The following CASTOR2 variants were observed in gnomAD, a reference collection of about 807,000 sequenced individuals.
The protein encoded by CASTOR2 is GATS protein like 2.
CASTOR2 carries 8 observed loss-of-function variants against 31.2 expected under a neutral mutation model. That is an observed-to-expected ratio of 0.26 (90% CI 0.15 to 0.46). The LOEUF is 0.46. Among genes scored for constraint, CASTOR2 ranks in the 20% least tolerant of loss-of-function variants. CASTOR2 has a pLI of 0.99. For synonymous variants in CASTOR2, 162 were observed against 158.7 expected, an observed-to-expected ratio of 1.02 and a Z score of -0.16; for missense variants, 216 against 382.1, an observed-to-expected ratio of 0.57 and a Z score of 3.62.
rs973280914 is a variant in CASTOR2 at position 75,026,416 on chromosome 7, C to T, written c.*1717C>T. ...ACATTGCTCAGGCTGGTCTTGAACT[C>T]CTGAGTTAAGTGATCCGCCTGCCTC... On this transcript the variant is annotated 3_prime_UTR_variant, in exon 9 of 9. Coordinates refer to ENST00000616305, the MANE Select transcript of CASTOR2 (RefSeq NM_001145064.3). Among the ~76,000 whole-genome samples, 1 of 152,056 alleles carries T rather than the reference C, an allele frequency of 6.6e-6. No individual in the cohort carries two copies. Among genetic ancestry groups the T allele is most frequent in the Non-Finnish European group, 1.5e-5 (1 of 68,022 alleles).
At chr7:75,014,090 C>A (rs1325472027) in intron 2 of CASTOR2, among the ~76,000 whole-genome samples, 4 of 152,066 alleles carry the variant, frequency 2.6e-5, no homozygotes, top group African/African-American at 9.7e-5. Context: ...TTCAGAATAA[C>A]GTTAGAAGCC....
At chr7:74,973,274 T>C (rs1322574128) in intron 1 of CASTOR2, among the ~76,000 whole-genome samples, 1 of 149,718 alleles carries the variant, frequency 6.7e-6, no homozygotes, top group Non-Finnish European at 1.5e-5. Context: ...GAGGGCTTGA[T>C]GAGATAAACC....
intron 1 of CASTOR2, among the ~76,000 whole-genome samples, chr7:74,967,501 C>A (rs1245113101): frequency 6.8e-6 from 1 of 146,848 alleles, no homozygotes; most frequent in Non-Finnish European, 1.5e-5. Flanking sequence ...CAGACTAGCA[C>A]AGCATGCCCT....
At chr7:75,023,357 G>A (rs1272717491) in intron 7 of CASTOR2, among the ~76,000 whole-genome samples, 1 of 151,834 alleles carries the variant, frequency 6.6e-6, no homozygotes, top group Non-Finnish European at 1.5e-5. Flanking sequence ...TAACCACAAT[G>A]ACAGGATTCC....
chr7:75,025,104 C>A lies in CASTOR2; in HGVS notation c.*405C>A, dbSNP rs1460159440. On this transcript the variant is annotated 3_prime_UTR_variant, in exon 9 of 9. Coordinates refer to ENST00000616305, the MANE Select transcript of CASTOR2 (RefSeq NM_001145064.3). The stretch of plus-strand genomic sequence containing the variant: ...GTCATGTCACCTTGCAGGGCTGGGG[C>A]TGGCGGGGTGGGGCCGAGTTTGGGG... Among the ~76,000 whole-genome samples the A allele has an allele frequency of 3.9e-5, 6 of 152,192 alleles. No homozygotes were observed. Among genetic ancestry groups the A allele is most frequent in the Non-Finnish European group, 7.3e-5 (5 of 68,028 alleles).
Position 75,017,579 on chromosome 7 carries a change from C to G in CASTOR2, c.185-19C>G, listed in dbSNP as rs1343450116. ...GGAACCTCAGCAGTCACAGGACTGC[C>G]TTCTGTGTCTCCCTCCAGAGCTGCC... On this transcript the variant is annotated intron_variant, in intron 2 of 8. Coordinates refer to ENST00000616305, the MANE Select transcript of CASTOR2 (RefSeq NM_001145064.3). 9.9e-6 allele frequency: 16 copies of G among 1,612,852 alleles called. No individual in the cohort carries two copies. Among genetic ancestry groups the G allele is most frequent in the Admixed American group, 1.7e-5 (1 of 59,826 alleles).
intron 1 of CASTOR2, among the ~76,000 whole-genome samples, chr7:74,999,601 C>CTTTTTTTGTTTTT (rs1804444843): frequency 2.2e-5 from 1 of 45,760 alleles, no homozygotes; most frequent in Non-Finnish European, 3.4e-5. Flanking sequence ...TCACTCACTG[C>CTTTTTTTGTTTTT]TTTTTTTTTT....
rs1441684614 is a variant in CASTOR2 at position 75,026,689 on chromosome 7, G to A, written c.*1990G>A. Among the ~76,000 whole-genome samples, 1 of 151,324 alleles carries A rather than the reference G, an allele frequency of 6.6e-6. No individual in the cohort carries two copies. The highest frequency in any genetic ancestry group is 1.5e-5 in the Non-Finnish European group (1 of 67,880). On this transcript the variant is annotated 3_prime_UTR_variant, in exon 9 of 9. Coordinates refer to ENST00000616305, the MANE Select transcript of CASTOR2 (RefSeq NM_001145064.3). Reference sequence around the variant, plus strand: ...TTTTTTTTTTAAGTTAATTTGTTTTGCACAAAACTCCAGAACAAAACTCGT... The same window carrying A: ...TTTTTTTTTTAAGTTAATTTGTTTTACACAAAACTCCAGAACAAAACTCGT...
At chr7:75,009,795 G>C (rs1465230267) in intron 2 of CASTOR2, among the ~76,000 whole-genome samples, 1 of 151,588 alleles carries the variant, frequency 6.6e-6, no homozygotes, top group Non-Finnish European at 1.5e-5. Flanking sequence ...GATCAGGAAA[G>C]ATTCCTCCAT....
chr7:75,023,003 C>T (rs1040903410), intron 7 of CASTOR2, among the ~76,000 whole-genome samples: 1 of 152,196 alleles, frequency 6.6e-6, no homozygotes. Context: ...CTAAATGCCT[C>T]GCCTTTTCCA....
rs1240611909 is a variant in CASTOR2 at position 75,019,161 on chromosome 7, GTC to G, written c.635+68_635+69del. The G allele has an allele frequency of 3.2e-6, 5 of 1,551,056 alleles. No individual in the cohort carries two copies. The East Asian group carries it at 1.2e-4, about 38-fold the overall frequency. On this transcript the variant is annotated intron_variant, in intron 5 of 8. Transcript: ENST00000616305. ...GGGAGAGGCATGGCTCCGCCTAGGA[GTC>G]TTAGTCTGACGGGGGAGGCTTTGCT...
rs1805143563 is a variant in CASTOR2, at chr7:75,026,688, T to G, written c.*1989T>G. On this transcript the variant is annotated 3_prime_UTR_variant, in exon 9 of 9. Coordinates refer to ENST00000616305, the MANE Select transcript of CASTOR2 (RefSeq NM_001145064.3). ...TTTTTTTTTTTAAGTTAATTTGTTT[T>G]GCACAAAACTCCAGAACAAAACTCG... is the stretch of plus-strand genomic sequence containing the variant. Among the ~76,000 whole-genome samples, 1 of 152,124 alleles carries G rather than the reference T, an allele frequency of 6.6e-6. No individual in the cohort carries two copies.
chr7:75,015,928 A>G (rs1186546306), intron 2 of CASTOR2, among the ~76,000 whole-genome samples: 15 of 152,142 alleles, frequency 9.9e-5, no homozygotes, highest in Non-Finnish European at 1.6e-4. Context: ...TTAGCCGGGC[A>G]TGATGTTGGG....
At chr7:74,988,765 A>G (rs1185829657) in intron 1 of CASTOR2, among the ~76,000 whole-genome samples, 2 of 151,538 alleles carry the variant, frequency 1.3e-5, no homozygotes, top group East Asian at 1.9e-4. Context: ...GTCTGCCTAC[A>G]TTTATCTTTC....
intron 1 of CASTOR2, among the ~76,000 whole-genome samples, chr7:74,994,100 A>G (rs1320493848): frequency 1.6e-4 from 24 of 152,228 alleles, no homozygotes; most frequent in Admixed American, 9.2e-4. Context: ...CGGGCCGTCC[A>G]CAACAGGCAG....
At chr7:74,996,560 C>T (rs1804351534) in intron 1 of CASTOR2, among the ~76,000 whole-genome samples, 1 of 151,402 alleles carries the variant, frequency 6.6e-6, no homozygotes, top group South Asian at 2.1e-4. Context: ...TTGTGTGTCT[C>T]GGTGTGCGTT....
chr7:75,025,299 C>G lies in CASTOR2; in HGVS notation c.*600C>G, dbSNP rs1347918509. 6.6e-6 allele frequency among the ~76,000 whole-genome samples: 1 copy of G among 152,206 alleles called. No individual in the cohort carries two copies. The highest frequency in any genetic ancestry group is 2.1e-4 in the South Asian group (1 of 4,838). ...CCCCGAGCTGGGAAGGACCCAGACT[C>G]CCCCTGTACCTCGCCTGCCAACCAC... On this transcript the variant is annotated 3_prime_UTR_variant, in exon 9 of 9. Coordinates refer to ENST00000616305, the MANE Select transcript of CASTOR2 (RefSeq NM_001145064.3).
At chr7:75,015,330 T>C (rs1486530694) in intron 2 of CASTOR2, among the ~76,000 whole-genome samples, 1 of 152,166 alleles carries the variant, frequency 6.6e-6, no homozygotes, top group East Asian at 1.9e-4. Flanking sequence ...AGTGCAGTGG[T>C]GCGGTCATAG....
chr7:74,974,975 CTT>C (rs1178318865), intron 1 of CASTOR2, among the ~76,000 whole-genome samples: 2 of 149,056 alleles, frequency 1.3e-5, no homozygotes, highest in African/African-American at 4.9e-5. Context: ...TTTTGTTTTG[CTT>C]TTGTTTTTGG....
Sources: gnomAD v4.1 joint callset for allele counts (sites outside exome capture counted in the v4.1 genomes callset) on GRCh38, gnomAD v4.1.1 for gene constraint, MANE v1.5 for transcripts, NCBI Gene and HGNC (gene_info 2026-07-23, HGNC 2026-07-21) for gene names.